NFASC: variants seen among roughly 807,000 people sequenced by gnomAD.
NFASC encodes the protein neurofascin.
Under a neutral mutation model 147.5 loss-of-function variants are expected in NFASC, and 43 were observed. The observed-to-expected ratio is 0.29, with a 90% CI of 0.23 to 0.38. NFASC has a LOEUF of 0.38. Among genes scored for constraint, NFASC ranks in the 10% least tolerant of loss-of-function variants. The pLI, the probability that NFASC is intolerant of heterozygous loss-of-function variation, is 1.00. For synonymous variants in NFASC, 622 were observed against 665.5 expected (o/e 0.93, Z 1.01); for missense variants, 1,320 against 1,689.0 (o/e 0.78, Z 3.83).
chr1:204,987,572 A>C lies in NFASC; in HGVS notation c.2593+32A>C. On this transcript the variant is annotated intron_variant, in intron 22 of 29. Coordinates refer to ENST00000339876, the MANE Select transcript of NFASC (RefSeq NM_001005388.3). The surrounding 1 kb of genome is among the most constrained non-coding windows in gnomAD (Gnocchi z 4.4). ...TCTGCCCTTCCCTTTCTCTTAGATA[A>C]TCTGGGAACCAGAAACCCCATTCTC... 6.2e-7 allele frequency: 1 copy of C among 1,612,662 alleles called. No homozygotes were observed. The highest frequency in any genetic ancestry group is 8.5e-7 in the Non-Finnish European group (1 of 1,178,970).
intron 1 of NFASC, among the ~76,000 whole-genome samples, chr1:204,869,233 G>A (rs939637083): frequency 2.6e-5 from 4 of 152,186 alleles, no homozygotes; most frequent in South Asian, 4.1e-4. Flanking sequence ...ATCACAACAT[G>A]AGCCTGTCCC....
chr1:204,954,796 C>T lies in NFASC; in HGVS notation c.413-33C>T. ...CCTTGCCCCGGGCCCAGCCATCACC[C>T]TCACTTTATCCTCTTTGTCCACTTC... On this transcript the variant is annotated intron_variant, in intron 6 of 29. Coordinates refer to ENST00000339876, the MANE Select transcript of NFASC (RefSeq NM_001005388.3). The surrounding 1 kb of genome is among the most constrained non-coding windows in gnomAD (Gnocchi z 5.7). 1 of 1,611,688 alleles carries T rather than the reference C, an allele frequency of 6.2e-7. No homozygotes were observed. Among genetic ancestry groups the T allele is most frequent in the South Asian group, 1.1e-5 (1 of 90,986 alleles).
chr1:204,876,928 C>CA (rs1203812626), intron 1 of NFASC, among the ~76,000 whole-genome samples: 1 of 144,336 alleles, frequency 6.9e-6, no homozygotes, highest in South Asian at 2.2e-4. Context: ...TGGTAGAAAC[C>CA]AAAAGCAGGC....
chr1:204,869,088 A>C (rs1040293597), intron 1 of NFASC, among the ~76,000 whole-genome samples: 3 of 152,208 alleles, frequency 2.0e-5, no homozygotes, highest in African/African-American at 7.2e-5. Flanking sequence ...GGCAAGAGAA[A>C]TGGCTCAACA....
chr1:204,930,634 T>A (rs2092282341), intron 2 of NFASC, among the ~76,000 whole-genome samples: 1 of 152,056 alleles, frequency 6.6e-6, no homozygotes, highest in Admixed American at 6.5e-5. Context: ...AAATGACCAG[T>A]GGAACAGAGC....
chr1:204,891,478 C>T (rs1461334598), intron 1 of NFASC, among the ~76,000 whole-genome samples: 1 of 152,106 alleles, frequency 6.6e-6, no homozygotes, highest in East Asian at 1.9e-4. Flanking sequence ...CCCTCATTGT[C>T]AATAAGAGGC....
At chr1:204,882,977 C>A (rs1038750568) in intron 1 of NFASC, among the ~76,000 whole-genome samples, 1 of 151,848 alleles carries the variant, frequency 6.6e-6, no homozygotes, top group African/African-American at 2.4e-5. Flanking sequence ...ACATATGAGT[C>A]AAGTTTGGGA....
At chr1:204,944,472 G>GGA in intron 3 of NFASC, 66 bp downstream of exon 3, 20 of 402,534 alleles carry the variant, frequency 5.0e-5, no homozygotes, top group East Asian at 1.3e-4. Context: ...GGAGGGGAGG[G>GGA]AAGGTCAGAG....
chr1:204,967,947 A>G (rs574629663), intron 8 of NFASC: 32 of 231,666 alleles, frequency 1.4e-4, no homozygotes, highest in African/African-American at 2.7e-4. Flanking sequence ...TAGATCTCGC[A>G]CTGCTCAGAC....
chr1:204,930,789 C>A (rs34098402), intron 2 of NFASC, among the ~76,000 whole-genome samples: 1 of 152,176 alleles, frequency 6.6e-6, no homozygotes, highest in Non-Finnish European at 1.5e-5. Context: ...GCATTTCTGG[C>A]GTCAGCAAAG....
chr1:204,924,421 T>G lies in NFASC; in HGVS notation c.-91+3681T>G, dbSNP rs180916030. On this transcript the variant is annotated intron_variant, in intron 2 of 29. Transcript: ENST00000339876. ...CCGGGGATGTGCTGTCCTTGAAATATCAGCAGCTAAACCAATATTGGCAGC... is the reference window on the plus strand; with the variant it reads ...CCGGGGATGTGCTGTCCTTGAAATAGCAGCAGCTAAACCAATATTGGCAGC... Among the ~76,000 whole-genome samples, 446 of 152,330 alleles carry G rather than the reference T, an allele frequency of 2.9e-3. 5 individuals carry two copies. The highest frequency in any genetic ancestry group is 8.8e-4 in the Non-Finnish European group (60 of 68,030).
intron 1 of NFASC, among the ~76,000 whole-genome samples, chr1:204,914,002 A>G (rs2088470914): frequency 6.6e-6 from 1 of 152,190 alleles, no homozygotes; most frequent in African/African-American, 2.4e-5. Flanking sequence ...GACACAAAAC[A>G]TAGTGAAATA....
Position 204,986,240 on chromosome 1 carries a change from C to A in NFASC, c.2471-1178C>A. ...GTGACTTCTGCGAGGCCTCCAGGAG[C>A]GGATGACCTGCAAGCCGAGCCACTA... On this transcript the variant is annotated intron_variant, in intron 21 of 29. Coordinates refer to ENST00000339876, the MANE Select transcript of NFASC (RefSeq NM_001005388.3). This position sits in a 1 kb window ranked among gnomAD's most constrained non-coding sequence, Gnocchi z 4.2. The A allele has an allele frequency of 1.5e-6, 1 of 683,532 alleles. No homozygotes were observed. 42.3% of individuals were successfully genotyped at this position (683,532 alleles called of 1,614,324 possible). A position where few individuals can be genotyped will look rare whatever the true frequency, so the allele number is the denominator to read the frequency against.
Position 204,939,306 on chromosome 1 carries a change from C to T in NFASC, c.-90-4920C>T, listed in dbSNP as rs1308592158. On this transcript the variant is annotated intron_variant, in intron 2 of 29. Transcript: ENST00000339876. ...ATTATATATAAAAGGATCCTTCAAA[C>T]ATATCATATGTAGAGTATGTTTTTT... is the stretch of plus-strand genomic sequence containing the variant. 2.6e-5 allele frequency among the ~76,000 whole-genome samples: 4 copies of T among 152,096 alleles called. No individual in the cohort carries two copies. Among genetic ancestry groups the T allele is most frequent in the Non-Finnish European group, 5.9e-5 (4 of 68,022 alleles).
chr1:204,872,394 A>G (rs765889543), intron 1 of NFASC, among the ~76,000 whole-genome samples: 5 of 152,176 alleles, frequency 3.3e-5, no homozygotes, highest in Non-Finnish European at 5.9e-5. Flanking sequence ...CCACGGTCTG[A>G]AGGAGCAGTG....
chr1:204,888,972 A>C (rs1221933453), intron 1 of NFASC, among the ~76,000 whole-genome samples: 1 of 152,130 alleles, frequency 6.6e-6, no homozygotes, highest in Non-Finnish European at 1.5e-5. Context: ...TGAGAGTTGA[A>C]GCACGAGTCT....
chr1:205,016,684 G>A lies in NFASC; in HGVS notation c.*145G>A. 1 of 711,496 alleles carries A rather than the reference G, an allele frequency of 1.4e-6. No homozygotes were observed. Among genetic ancestry groups the A allele is most frequent in the Non-Finnish European group, 2.5e-6 (1 of 395,230 alleles). 44.1% of individuals were successfully genotyped at this position (711,496 alleles called of 1,614,324 possible). A position where few individuals can be genotyped will look rare whatever the true frequency, so the allele number is the denominator to read the frequency against. On this transcript the variant is annotated 3_prime_UTR_variant, in exon 30 of 30. Transcript: ENST00000339876. The surrounding 1 kb of genome is among the most constrained non-coding windows in gnomAD (Gnocchi z 5.1). ...GGGGTCTGCCAAGCTGTGAGGACCA[G>A]TAGCCACCAAGCCACCCACAAGCCC...
Position 204,988,826 on chromosome 1 carries a change from C to T in NFASC, c.2767+20C>T. On this transcript the variant is annotated intron_variant, in intron 23 of 29. Transcript: ENST00000339876. The stretch of plus-strand genomic sequence containing the variant: ...ATGAAGGTAGGTGCATGGCAGCAGC[C>T]CCTGGGGTAAAAGGTCCCAGCTAAT... The T allele has an allele frequency of 6.2e-7, 1 of 1,612,258 alleles. No homozygotes were observed. Among genetic ancestry groups the T allele is most frequent in the Non-Finnish European group, 8.5e-7 (1 of 1,178,728 alleles).
At chr1:204,937,431 T>A (rs2149687656) in intron 2 of NFASC, among the ~76,000 whole-genome samples, 1 of 152,340 alleles carries the variant, frequency 6.6e-6, no homozygotes, top group East Asian at 1.9e-4. Flanking sequence ...TTCACTGCCC[T>A]AAACACCCTC....
Sources: gnomAD v4.1 joint callset for allele counts (sites outside exome capture counted in the v4.1 genomes callset) on GRCh38, gnomAD v4.1.1 for gene constraint, Gnocchi (gnomAD v3.1) non-coding constraint, MANE v1.5 for transcripts, NCBI Gene and HGNC (gene_info 2026-07-23, HGNC 2026-07-21) for gene names.